GSE1: variants seen among roughly 807,000 people sequenced by gnomAD.
GSE1 encodes the protein Gse1 coiled-coil protein.
In GSE1, 32 loss-of-function variants were observed where a neutral mutation model predicts 112.6. The ratio of observed to expected loss-of-function variants is 0.28; its 90% confidence interval spans 0.21 to 0.38. The LOEUF is 0.38. GSE1 is among the 10% of genes least tolerant of loss of function. The pLI, the probability that GSE1 is intolerant of heterozygous loss-of-function variation, is 1.00. For missense variants in GSE1, 2,348 were observed against 1,699.2 expected (o/e 1.38, Z -6.71); for synonymous variants, 1,115 against 735.6 (o/e 1.52, Z -8.35).
chr16:85,534,128 CT>C (rs71151302), intron 2 of GSE1, among the ~76,000 whole-genome samples: 1 of 148,754 alleles, frequency 6.7e-6, no homozygotes, highest in Non-Finnish European at 1.5e-5. Flanking sequence ...TTTCTTCTTC[CT>C]TTTTTTTTTT....
intron 1 of GSE1, among the ~76,000 whole-genome samples, chr16:85,354,903 G>C (rs1308062574): frequency 2.6e-5 from 4 of 152,228 alleles, no homozygotes; most frequent in Admixed American, 2.0e-4. Context: ...GAACCACCTT[G>C]GTACAGGCCC....
intron 2 of GSE1, among the ~76,000 whole-genome samples, chr16:85,404,581 T>C (rs868763800): frequency 1.1e-3 from 63 of 54,922 alleles, no homozygotes; most frequent in South Asian, 7.8e-3. Flanking sequence ...TAATCCTCAC[T>C]GTTACACTCA....
chr16:85,344,185 A>T (rs1197286199), intron 1 of GSE1, among the ~76,000 whole-genome samples: 2 of 152,206 alleles, frequency 1.3e-5, no homozygotes, highest in Non-Finnish European at 2.9e-5. Context: ...GGATGCGGCC[A>T]GCCCTGCCCG....
chr16:85,646,457 C>T (rs890125724), intron 2 of GSE1, among the ~76,000 whole-genome samples: 1 of 152,240 alleles, frequency 6.6e-6, no homozygotes, highest in Admixed American at 6.5e-5. Flanking sequence ...CATGTGCCTG[C>T]TCCTGCTGGA....
At chr16:85,654,199 A>C in intron 3 of GSE1, 79 bp from the exon 4 acceptor site, 1 of 1,323,574 alleles carries the variant, frequency 7.6e-7, no homozygotes. Context: ...CCTTCCCGTG[A>C]GTCAGGAGAC....
At chr16:85,501,555 C>G (rs2051367898) in intron 2 of GSE1, among the ~76,000 whole-genome samples, 1 of 152,108 alleles carries the variant, frequency 6.6e-6, no homozygotes, top group African/African-American at 2.4e-5. Flanking sequence ...CCATGCCCAG[C>G]TAATTTTTTA....
At chr16:85,338,192 C>G (rs1414573423) in intron 1 of GSE1, among the ~76,000 whole-genome samples, 1 of 152,250 alleles carries the variant, frequency 6.6e-6, no homozygotes, top group Admixed American at 6.5e-5. Flanking sequence ...CTGCTTCATC[C>G]TCCTTTCTCA....
intron 2 of GSE1, among the ~76,000 whole-genome samples, chr16:85,415,743 C>G (rs1271929404): frequency 3.9e-5 from 6 of 152,244 alleles, no homozygotes; most frequent in African/African-American, 1.4e-4. Flanking sequence ...GGCTTGTTCC[C>G]CCTGTCCTGG....
chr16:85,376,927 G>T (rs1390211026), intron 2 of GSE1, among the ~76,000 whole-genome samples: 1 of 152,224 alleles, frequency 6.6e-6, no homozygotes, highest in Admixed American at 6.5e-5. Context: ...CGCGTTACCC[G>T]ACGGCCCCTC....
chr16:85,344,478 G>A (rs1256407083), intron 1 of GSE1, among the ~76,000 whole-genome samples: 2 of 152,218 alleles, frequency 1.3e-5, no homozygotes, highest in Non-Finnish European at 2.9e-5. Flanking sequence ...AGCTGTGATG[G>A]GACAAATGTG....
chr16:85,261,542 G>A (rs1037701296), intron 1 of GSE1, among the ~76,000 whole-genome samples: 3 of 152,210 alleles, frequency 2.0e-5, no homozygotes, highest in East Asian at 1.9e-4. Flanking sequence ...GCACATCCAC[G>A]GGGGCCTCGT....
In GSE1 at chr16:85,616,173, C is replaced by A. The variant is rs561071730; in HGVS notation, c.7+2775C>A. On this transcript the variant is annotated intron_variant, in intron 1 of 15. Transcript: ENST00000253458. The stretch of plus-strand genomic sequence containing the variant: ...TGCACCTCTGAGCTAGAGATTCCCC[C>A]CTTCCAACCCCTGGAGTCCCAAATT... Among the ~76,000 whole-genome samples the A allele has an allele frequency of 5.9e-5, 9 of 152,338 alleles. No individual in the cohort carries two copies. The South Asian group carries it at 6.2e-4, about 11-fold the overall frequency.
intron 2 of GSE1, among the ~76,000 whole-genome samples, chr16:85,360,076 A>G (rs77000540): frequency 1.8e-4 from 28 of 152,010 alleles, no homozygotes; most frequent in African/African-American, 5.8e-4. Flanking sequence ...AAAACAATCA[A>G]TTCAGGGGTT....
intron 1 of GSE1, among the ~76,000 whole-genome samples, chr16:85,182,224 G>A (rs1312943184): frequency 1.3e-5 from 2 of 152,100 alleles, no homozygotes; most frequent in African/African-American, 2.4e-5. Flanking sequence ...AGGTGCCATC[G>A]TGGGAACAAT....
intron 2 of GSE1, among the ~76,000 whole-genome samples, chr16:85,478,844 TTTCTTTCTTTCTTTC>T (rs2050548613): frequency 2.7e-4 from 1 of 3,718 alleles, no homozygotes; most frequent in South Asian, 9.1e-3. Flanking sequence ...ATTTATTTTC[TTTCTTTCTTTCTTTC>T]TTTCTTTCTT....
At chr16:85,480,700 G>T (rs1345990871) in intron 2 of GSE1, among the ~76,000 whole-genome samples, 2 of 151,982 alleles carry the variant, frequency 1.3e-5, no homozygotes, top group Non-Finnish European at 2.9e-5. Context: ...CGGGCGGCAG[G>T]GGTGGCCAAG....
chr16:85,609,535 G>A (rs2047870166), upstream of GSE1, among the ~76,000 whole-genome samples: 1 of 152,220 alleles, frequency 6.6e-6, no homozygotes, highest in Admixed American at 6.5e-5. Flanking sequence ...TGTGGTTCAA[G>A]GCGTCCCTTT....
intron 12 of GSE1, among the ~76,000 whole-genome samples, chr16:85,665,591 C>G (rs553506021): frequency 7.9e-6 from 1 of 126,278 alleles, no homozygotes; most frequent in Non-Finnish European, 1.9e-5. Context: ...ACCTTTCCTC[C>G]TCTTACAGTT....
chr16:85,656,848 AGTGGATATAG>A (rs2052003067), intron 7 of GSE1, among the ~76,000 whole-genome samples, 183 bp downstream of exon 7: 1 of 152,278 alleles, frequency 6.6e-6, no homozygotes, highest in Admixed American at 6.5e-5. Flanking sequence ...ATGTAGACAC[AGTGGATATAG>A]CTGACCCCAG....
Sources: gnomAD v4.1 joint callset for allele counts (sites outside exome capture counted in the v4.1 genomes callset) on GRCh38, gnomAD v4.1.1 for gene constraint, MANE v1.5 for transcripts, NCBI Gene and HGNC (gene_info 2026-07-23, HGNC 2026-07-21) for gene names.